Variants in MTOR observed in about 807,000 individuals in gnomAD.
MTOR encodes mechanistic target of rapamycin kinase, also known as serine/threonine-protein kinase mTOR.
A neutral mutation model predicts 319.8 loss-of-function variants in MTOR; 70 were observed. The observed-to-expected ratio is 0.22, with a 90% CI of 0.18 to 0.27. The LOEUF is 0.27. Ranked by LOEUF, MTOR falls within the 10% of genes least tolerant of loss-of-function variation. MTOR has a pLI of 1.00. For missense variants in MTOR, 1,890 were observed against 3,274.4 expected, an observed-to-expected ratio of 0.58 and a Z score of 10.32; for synonymous variants, 1,183 against 1,211.4, an observed-to-expected ratio of 0.98 and a Z score of 0.49.
At chr1:11,147,732 GGTTAT>G (rs1397212912) in intron 31 of MTOR, among the ~76,000 whole-genome samples, 2 of 152,172 alleles carry the variant, frequency 1.3e-5, no homozygotes, top group African/African-American at 4.8e-5. Flanking sequence ...GGAGGTAGAG[GGTTAT>G]GTAACTTTCC....
chr1:11,119,573 G>GAAAAAAAAA (rs555425607), intron 49 of MTOR, among the ~76,000 whole-genome samples: 1 of 24,864 alleles, frequency 4.0e-5, no homozygotes, highest in Admixed American at 4.7e-4. Flanking sequence ...TCCGTCTCGA[G>GAAAAAAAAA]AAAAAAAAAA....
At chr1:11,250,036 C>T (rs1338998115) in intron 6 of MTOR, among the ~76,000 whole-genome samples, 86 of 142,062 alleles carry the variant, frequency 6.1e-4, no homozygotes, top group African/African-American at 2.1e-3. Context: ...GGGTGGCTGG[C>T]CGGGCGGGGG....
intron 36 of MTOR, among the ~76,000 whole-genome samples, chr1:11,138,562 G>C (rs756110485): frequency 3.7e-4 from 56 of 152,180 alleles, no homozygotes; most frequent in Admixed American, 5.2e-4. Context: ...TCCCACAGCA[G>C]AGGCTCCAGT....
chr1:11,144,854 G>C (rs1481799647), intron 33 of MTOR, 99 bp from the exon 34 acceptor site: 2 of 1,511,488 alleles, frequency 1.3e-6, no homozygotes, highest in South Asian at 1.1e-5. Context: ...GGTATCTGCC[G>C]ATCAGAGAAA....
intron 28 of MTOR, among the ~76,000 whole-genome samples, chr1:11,189,119 G>A (rs1645419605): frequency 6.6e-6 from 1 of 152,096 alleles, no homozygotes; most frequent in Non-Finnish European, 1.5e-5. Flanking sequence ...AGGCGAAACT[G>A]GAAACACACA....
intron 19 of MTOR, among the ~76,000 whole-genome samples, chr1:11,221,853 A>G (rs1403162172): frequency 6.6e-6 from 1 of 150,706 alleles, no homozygotes; most frequent in Non-Finnish European, 1.5e-5. Flanking sequence ...CAATATTAGT[A>G]TTAACAATAA....
chr1:11,128,429 G>C lies in MTOR; in HGVS notation c.5910+25C>G, dbSNP rs558197608. ...GACCACCAAACCAGTGGTTAGATGA[G>C]AAACTGCCCAGAGTCTCCACATACC... On this transcript the variant is annotated intron_variant, in intron 42 of 57. Transcript: ENST00000361445. The surrounding 1 kb of genome is among the most constrained non-coding windows in gnomAD (Gnocchi z 5.3). 14 of 1,609,362 alleles carry C rather than the reference G, an allele frequency of 8.7e-6. No individual in the cohort carries two copies. The South Asian group carries it at 1.5e-4, about 18-fold the overall frequency.
In MTOR at chr1:11,128,156, A is replaced by G. The variant is rs2100415085; in HGVS notation, c.5911-30T>C. 1 of 1,612,536 alleles carries G rather than the reference A, an allele frequency of 6.2e-7. No homozygotes were observed. Among genetic ancestry groups the G allele is most frequent in the Non-Finnish European group, 8.5e-7 (1 of 1,179,440 alleles). ...GGGAAAAACAGAAGAAACATCTATA[A>G]AGGAAATGTGGGTTGGGGAAGAGCT... On this transcript the variant is annotated intron_variant, in intron 42 of 57. Transcript: ENST00000361445. The surrounding 1 kb of genome is among the most constrained non-coding windows in gnomAD (Gnocchi z 5.3).
At chr1:11,257,189 G>A in intron 3 of MTOR, 24 bp from the exon 4 acceptor site, 1 of 1,587,220 alleles carries the variant, frequency 6.3e-7, no homozygotes, top group Non-Finnish European at 8.6e-7. Context: ...GAAGGCAAAA[G>A]GTGATGATGG....
Position 11,126,674 on chromosome 1 carries a change from C to T in MTOR, c.6474G>A (p.Pro2158=), listed in dbSNP as rs201488400. 22 of 1,613,924 alleles carry T rather than the reference C, an allele frequency of 1.4e-5. No individual in the cohort carries two copies. Among genetic ancestry groups the T allele is most frequent in the Middle Eastern group, 1.6e-4 (1 of 6,062 alleles). The part of the protein sequence containing the change: ...QPIIRIQSIA[P]SLQVITSKQR... Reference sequence around the variant, plus strand: ...GCTTGGATGTGATGACTTGCAAAGACGGTGCTATGGACTGAATGCGAATGA... The same window carrying T: ...GCTTGGATGTGATGACTTGCAAAGATGGTGCTATGGACTGAATGCGAATGA... The change falls in exon 46 of 58, where the codon CCG becomes CCA. Residue 2158 remains proline, a synonymous_variant. Coordinates refer to ENST00000361445, the MANE Select transcript of MTOR (RefSeq NM_004958.4).
In MTOR at chr1:11,106,645, T is replaced by C; in HGVS notation, c.*840A>G. On this transcript the variant is annotated 3_prime_UTR_variant, in exon 58 of 58. Transcript: ENST00000361445. ...TGTGCATTTAGTTGAGTATTTGTTC[T>C]GCTCATAATTTCCAATATGTACCAG... 2 of 1,102,174 alleles carry C rather than the reference T, an allele frequency of 1.8e-6. No individual in the cohort carries two copies. The highest frequency in any genetic ancestry group is 2.2e-6 in the Non-Finnish European group (2 of 900,394). The allele number at this position is 1,102,174 out of a possible 1,614,324, so 68.3% of individuals were successfully genotyped here. A position where few individuals can be genotyped will look rare whatever the true frequency, so the allele number is the denominator to read the frequency against.
intron 28 of MTOR, among the ~76,000 whole-genome samples, chr1:11,187,526 C>T (rs896718585): frequency 1.3e-5 from 2 of 152,170 alleles, no homozygotes; most frequent in Admixed American, 6.5e-5. Context: ...CACTCACCTG[C>T]CACTCACCTC....
chr1:11,136,351 T>TG (rs1643417075), intron 36 of MTOR, among the ~76,000 whole-genome samples: 13 of 152,172 alleles, frequency 8.5e-5, no homozygotes, highest in Admixed American at 7.2e-4. Context: ...CACACAGATG[T>TG]TCCAACACTT....
intron 29 of MTOR, among the ~76,000 whole-genome samples, chr1:11,164,514 G>C (rs911544453): frequency 2.0e-4 from 31 of 152,036 alleles, no homozygotes; most frequent in Non-Finnish European, 2.9e-5. Flanking sequence ...ATAAATTCCT[G>C]GACACATACA....
intron 38 of MTOR, 113 bp from the exon 39 acceptor site, chr1:11,130,890 A>G: frequency 7.3e-7 from 1 of 1,368,608 alleles, no homozygotes; most frequent in Non-Finnish European, 9.8e-7. Context: ...CTGTGTGTCC[A>G]TAAAGCAAAC....
chr1:11,239,960 C>G (rs1461822913), intron 11 of MTOR, among the ~76,000 whole-genome samples: 1 of 151,370 alleles, frequency 6.6e-6, no homozygotes, highest in Non-Finnish European at 1.5e-5. Context: ...ATGGAAACAC[C>G]CAAAAGCCCC....
chr1:11,144,564 G>C lies in MTOR; in HGVS notation c.4872+84C>G, dbSNP rs1308013055. On this transcript the variant is annotated intron_variant, in intron 34 of 57. Coordinates refer to ENST00000361445, the MANE Select transcript of MTOR (RefSeq NM_004958.4). The stretch of plus-strand genomic sequence containing the variant: ...GAGGCAGGAAAAGCAAGTTGAGTAA[G>C]AGCCAGGGTGGAGGGGGGCACTCAC... 7 of 1,150,258 alleles carry C rather than the reference G, an allele frequency of 6.1e-6. No individual in the cohort carries two copies. In the East Asian group the frequency reaches 1.4e-4, roughly 23 times the overall value. 71.3% of individuals were successfully genotyped at this position (1,150,258 alleles called of 1,614,324 possible). A position where few individuals can be genotyped will look rare whatever the true frequency, so the allele number is the denominator to read the frequency against.
In MTOR at chr1:11,106,952, A is replaced by G; in HGVS notation, c.*533T>C. The G allele has an allele frequency of 7.3e-7, 1 of 1,370,536 alleles. No individual in the cohort carries two copies. The highest frequency in any genetic ancestry group is 9.6e-7 in the Non-Finnish European group (1 of 1,038,752). 84.9% of individuals were successfully genotyped at this position (1,370,536 alleles called of 1,614,324 possible). A position where few individuals can be genotyped will look rare whatever the true frequency, so the allele number is the denominator to read the frequency against. ...AGACCTTTTGTACTCATTTTGGCCTATCTTGCAAACATTTCTGCTGCTGTC... is the reference window on the plus strand; with the variant it reads ...AGACCTTTTGTACTCATTTTGGCCTGTCTTGCAAACATTTCTGCTGCTGTC... On this transcript the variant is annotated 3_prime_UTR_variant, in exon 58 of 58. Transcript: ENST00000361445.
chr1:11,114,629 C>T, intron 52 of MTOR, 176 bp from the exon 53 acceptor site: 1 of 1,057,198 alleles, frequency 9.5e-7, no homozygotes, highest in East Asian at 2.6e-5. Flanking sequence ...GAAACCAGGT[C>T]AGAAGTGAAG....
Sources: gnomAD v4.1 joint callset for allele counts (sites outside exome capture counted in the v4.1 genomes callset) on GRCh38, gnomAD v4.1.1 for gene constraint, Gnocchi (gnomAD v3.1) non-coding constraint, MANE v1.5 for transcripts, NCBI Gene and HGNC (gene_info 2026-07-23, HGNC 2026-07-21) for gene names.